CD1B: variants seen among roughly 807,000 people sequenced by gnomAD.
CD1B encodes the protein CD1b molecule.
In CD1B, 43 loss-of-function variants were observed where a neutral mutation model predicts 39.8. That is an observed-to-expected ratio of 1.08 (90% CI 0.85 to 1.39). The LOEUF (loss-of-function observed/expected upper bound fraction) is 1.39. CD1B is among the 40% of genes most tolerant of loss of function. The probability of loss-of-function intolerance (pLI) is 0.00; values close to 1 mark genes in which losing one functional copy is unlikely to be tolerated. For missense variants in CD1B, 495 were observed against 403.8 expected (o/e 1.23, Z -1.94); for synonymous variants, 192 against 152.5 (o/e 1.26, Z -1.91).
At chr1:158,293,642 G>A in the CD1B span, 1 of 1,521,812 alleles carries the variant, frequency 6.6e-7, no homozygotes, top group Non-Finnish European at 9.0e-7. Context: ...GTTTTTCTTG[G>A]AATCTCCACT....
the CD1B span, among the ~76,000 whole-genome samples, chr1:158,318,870 A>G: frequency 6.6e-6 from 1 of 152,048 alleles, no homozygotes; most frequent in African/African-American, 2.4e-5. Context: ...TGGTGACAAA[A>G]TCTTTCAGCA....
the CD1B span, among the ~76,000 whole-genome samples, chr1:158,299,956 T>C: frequency 6.6e-6 from 1 of 152,206 alleles, no homozygotes; most frequent in Non-Finnish European, 1.5e-5. Flanking sequence ...TTCATTGATC[T>C]TTTGAAGATT....
In CD1B at chr1:158,331,460, G is replaced by GT. The variant is rs771319532; in HGVS notation, c.-38dup. On this transcript the variant is annotated 5_prime_UTR_variant, in exon 1 of 6. Coordinates refer to ENST00000368168, the MANE Select transcript of CD1B (RefSeq NM_001764.3). The stretch of plus-strand genomic sequence containing the variant: ...ATGCAACTTCTTACTGGCAGAGCTG[G>GT]TATTTGATCTCCAATTTCAGCAAAG... The GT allele has an allele frequency of 4.0e-5, 62 of 1,557,420 alleles. No individual in the cohort carries two copies. The highest frequency in any genetic ancestry group is 5.5e-5 in the Non-Finnish European group (62 of 1,129,482).
rs778827701 is a variant in CD1B at position 158,330,836 on chromosome 1, A to G, written c.288T>C (p.Ala96=). ...EIFRVYIFGF[A]REVQDFAGDF... ...CACCGGCAAAGTCTTGTACTTCTCG[A>G]GCGAATCCAAAGATGTAGACTCGGA... The change falls in exon 2 of 6, where the codon GCT becomes GCC. Residue 96 remains alanine, a synonymous_variant. Transcript: ENST00000368168. 2 of 1,614,166 alleles carry G rather than the reference A, an allele frequency of 1.2e-6. No individual in the cohort carries two copies. The highest frequency in any genetic ancestry group is 1.7e-6 in the Non-Finnish European group (2 of 1,180,018).
the CD1B span, among the ~76,000 whole-genome samples, chr1:158,316,870 G>A: frequency 2.0e-5 from 3 of 151,980 alleles, no homozygotes; most frequent in Non-Finnish European, 4.4e-5. Flanking sequence ...AGCATGAAGG[G>A]TTGTTGAATT....
Position 158,328,697 on chromosome 1 carries a change from A to G in CD1B, c.980+224T>C, listed in dbSNP as rs531036316. Among the ~76,000 whole-genome samples the G allele has an allele frequency of 2.1e-4, 32 of 152,288 alleles. No homozygotes were observed. The South Asian group carries it at 5.2e-3, about 25-fold the overall frequency. ...CAACAATGTGAACACACTTAACACC[A>G]CTGAACTGTACACTTAAAAATGGTA... On this transcript the variant is annotated intron_variant, in intron 5 of 5. Transcript: ENST00000368168.
the CD1B span, among the ~76,000 whole-genome samples, chr1:158,316,652 C>T: frequency 5.3e-5 from 8 of 150,664 alleles, no homozygotes; most frequent in African/African-American, 9.9e-5. Flanking sequence ...CCTTTATTTC[C>T]TTCTCCTGCC....
the CD1B span, among the ~76,000 whole-genome samples, chr1:158,302,932 A>G: frequency 1.3e-5 from 2 of 152,158 alleles, no homozygotes; most frequent in Non-Finnish European, 2.9e-5. Context: ...AACTAATTCT[A>G]TGAGATAAGT....
downstream of CD1B, among the ~76,000 whole-genome samples, chr1:158,326,107 A>G (rs527656148): frequency 5.1e-4 from 77 of 152,128 alleles, no homozygotes; most frequent in Non-Finnish European, 9.4e-4. Context: ...AGTAGCTGGG[A>G]CTACAGGTGC....
At chr1:158,287,289 A>G in the CD1B span, among the ~76,000 whole-genome samples, 1 of 152,048 alleles carries the variant, frequency 6.6e-6, no homozygotes, top group Non-Finnish European at 1.5e-5. Context: ...GGGTGCACAC[A>G]CACACACACA....
chr1:158,304,570 T>A, the CD1B span, among the ~76,000 whole-genome samples: 1 of 152,194 alleles, frequency 6.6e-6, no homozygotes, highest in African/African-American at 2.4e-5. Flanking sequence ...TGTTCCTGTC[T>A]GACAGCTTGG....
the CD1B span, among the ~76,000 whole-genome samples, chr1:158,311,900 T>G: frequency 2.0e-5 from 3 of 152,150 alleles, no homozygotes; most frequent in African/African-American, 7.2e-5. Context: ...TTACTATAGT[T>G]TTGTAGTATA....
chr1:158,292,788 T>C, the CD1B span: 1 of 1,614,208 alleles, frequency 6.2e-7, no homozygotes. Context: ...CAGGTGATCC[T>C]GGAGGTGGCA....
downstream of CD1B, among the ~76,000 whole-genome samples, chr1:158,327,290 G>A (rs1652390074): frequency 1.3e-5 from 2 of 152,116 alleles, no homozygotes; most frequent in Non-Finnish European, 2.9e-5. Context: ...AAAAGTTATA[G>A]GAGTCCCCAC....
the CD1B span, among the ~76,000 whole-genome samples, chr1:158,320,905 A>T: frequency 6.6e-6 from 1 of 152,224 alleles, no homozygotes; most frequent in African/African-American, 2.4e-5. Context: ...TAATATGTTA[A>T]GACTTTTATT....
At chr1:158,326,793 A>G (rs539775778), downstream of CD1B, among the ~76,000 whole-genome samples, 3 of 151,688 alleles carry the variant, frequency 2.0e-5, no homozygotes, top group African/African-American at 4.8e-5. Context: ...TAAAATTATT[A>G]TTATTATTAT....
chr1:158,317,089 T>C, the CD1B span, among the ~76,000 whole-genome samples: 1 of 152,058 alleles, frequency 6.6e-6, no homozygotes. Context: ...TTTGCATCAA[T>C]GTTCATCAAG....
At chr1:158,330,665 C>G (rs766324998) in intron 2 of CD1B, 131 bp downstream of exon 2, 6 of 902,044 alleles carry the variant, frequency 6.7e-6, no homozygotes, top group Non-Finnish European at 1.1e-5. Context: ...AGAGACTACT[C>G]AAGAAAAGCA....
downstream of CD1B, among the ~76,000 whole-genome samples, chr1:158,326,943 T>C (rs569958724): frequency 1.3e-5 from 2 of 152,076 alleles, no homozygotes; most frequent in Non-Finnish European, 2.9e-5. Context: ...ACTACAGCCA[T>C]GCACCACCAT....
Sources: allele counts gnomAD v4.1 joint callset (sites outside exome capture counted in the v4.1 genomes callset), GRCh38; gene constraint gnomAD v4.1.1; transcripts MANE v1.5; gene names NCBI Gene and HGNC (gene_info 2026-07-23, HGNC 2026-07-21).